The following ERP44 variants were observed in gnomAD, a reference collection of about 807,000 sequenced individuals.
The protein encoded by ERP44 is endoplasmic reticulum protein 44, also known as endoplasmic reticulum resident protein 44.
A neutral mutation model predicts 53.4 loss-of-function variants in ERP44; 25 were observed. That is an observed-to-expected ratio of 0.47 (90% CI 0.34 to 0.65). The LOEUF (loss-of-function observed/expected upper bound fraction) is 0.65. Among genes scored for constraint, ERP44 ranks in the 30% least tolerant of loss-of-function variants. ERP44 has a pLI of 0.01. For missense variants in ERP44, 338 were observed against 493.2 expected, an observed-to-expected ratio of 0.69 and a Z score of 2.98; for synonymous variants, 145 against 161.2, an observed-to-expected ratio of 0.90 and a Z score of 0.76.
intron 5 of ERP44, 41 bp from the exon 6 acceptor site, chr9:100,020,772 G>A: frequency 1.0e-6 from 1 of 997,666 alleles, no homozygotes; most frequent in South Asian, 1.3e-5. Flanking sequence ...AACATACATA[G>A]TTTTATAAAC....
At chr9:100,055,431 C>CGTGT (rs893609160) in intron 3 of ERP44, among the ~76,000 whole-genome samples, 2 of 152,172 alleles carry the variant, frequency 1.3e-5, no homozygotes, top group Non-Finnish European at 2.9e-5. Context: ...GGAGTGCAAC[C>CGTGT]GTGTGATCTC....
intron 4 of ERP44, among the ~76,000 whole-genome samples, chr9:100,044,675 G>T (rs955472136): frequency 2.3e-4 from 35 of 152,142 alleles, no homozygotes; most frequent in Non-Finnish European, 1.5e-5. Flanking sequence ...ACAATACTCT[G>T]TATACTGCAG....
At chr9:100,038,978 A>C (rs1462305066) in intron 4 of ERP44, among the ~76,000 whole-genome samples, 1 of 152,208 alleles carries the variant, frequency 6.6e-6, no homozygotes, top group Admixed American at 6.5e-5. Context: ...GCATATACAT[A>C]TGTAATGCAT....
At chr9:100,030,640 T>G (rs1043338658) in intron 4 of ERP44, among the ~76,000 whole-genome samples, 2 of 152,186 alleles carry the variant, frequency 1.3e-5, no homozygotes, top group African/African-American at 2.4e-5. Flanking sequence ...CTATTCTCTT[T>G]GGATTAATCT....
At chr9:99,993,335 C>G (rs1243015960) in intron 10 of ERP44, among the ~76,000 whole-genome samples, 1 of 152,124 alleles carries the variant, frequency 6.6e-6, no homozygotes, top group Non-Finnish European at 1.5e-5. Context: ...TGGAACAGAA[C>G]AGAGGCCTCA....
chr9:99,989,306 C>T lies in ERP44; in HGVS notation c.1017-4237G>A, dbSNP rs563051187. 7.2e-5 allele frequency among the ~76,000 whole-genome samples: 11 copies of T among 152,234 alleles called. No individual in the cohort carries two copies. In the East Asian group the frequency reaches 2.1e-3, roughly 29 times the overall value. On this transcript the variant is annotated intron_variant, in intron 10 of 11. Coordinates refer to ENST00000262455, the MANE Select transcript of ERP44 (RefSeq NM_015051.3). ...AGGAGCCGACTGACACCTCATACAG[C>T]TGGGTGCCCCTCTGAGACGAAGCTT... is the stretch of plus-strand genomic sequence containing the variant.
intron 4 of ERP44, among the ~76,000 whole-genome samples, chr9:100,039,386 C>A (rs1185670591): frequency 2.0e-5 from 3 of 152,018 alleles, no homozygotes; most frequent in South Asian, 2.1e-4. Context: ...CAAGAGAAAT[C>A]TTAGAAATTA....
chr9:99,999,132 T>A, intron 10 of ERP44: 1 of 591,078 alleles, frequency 1.7e-6, no homozygotes. Flanking sequence ...TGAGGCACAG[T>A]GTACCGCGCT....
At chr9:100,071,858 T>C (rs966986447) in intron 1 of ERP44, among the ~76,000 whole-genome samples, 6 of 152,158 alleles carry the variant, frequency 3.9e-5, no homozygotes, top group African/African-American at 1.4e-4. Flanking sequence ...GAGGTGGAAG[T>C]TGCTGTGAGC....
chr9:100,084,441 A>G (rs1039527235), intron 1 of ERP44, among the ~76,000 whole-genome samples: 2 of 152,194 alleles, frequency 1.3e-5, no homozygotes, highest in African/African-American at 4.8e-5. Context: ...ATGATTTCCA[A>G]CCAAACTTGT....
In ERP44 at chr9:99,982,559, AC is replaced by A; in HGVS notation, c.*52del. The A allele has an allele frequency of 1.3e-6, 1 of 793,822 alleles. No individual in the cohort carries two copies. Among genetic ancestry groups the A allele is most frequent in the Non-Finnish European group, 1.9e-6 (1 of 522,836 alleles). The allele number at this position is 793,822 out of a possible 1,614,324, so 49.2% of individuals were successfully genotyped here. ...ATGAAAATATAGGTTTACTATTTCCACCACGTAGGTTGATGCTGCTGTTGAA... is the reference window on the plus strand; with the variant it reads ...ATGAAAATATAGGTTTACTATTTCCACACGTAGGTTGATGCTGCTGTTGAA... On this transcript the variant is annotated 3_prime_UTR_variant, in exon 12 of 12. Coordinates refer to ENST00000262455, the MANE Select transcript of ERP44 (RefSeq NM_015051.3).
intron 10 of ERP44, chr9:99,998,540 C>T (rs1381397548): frequency 1.2e-5 from 9 of 722,230 alleles, no homozygotes; most frequent in Non-Finnish European, 1.8e-5. Context: ...CTAATCTTCA[C>T]GCCTTCTGGA....
At chr9:100,092,372 G>T (rs1287071761) in intron 1 of ERP44, among the ~76,000 whole-genome samples, 2 of 152,210 alleles carry the variant, frequency 1.3e-5, no homozygotes, top group East Asian at 3.8e-4. Context: ...ATCAGTAGGA[G>T]CTAAAGGAAT....
chr9:100,030,963 G>A (rs773069862), intron 4 of ERP44, among the ~76,000 whole-genome samples: 11 of 152,134 alleles, frequency 7.2e-5, no homozygotes, highest in Non-Finnish European at 1.5e-4. Context: ...AAGATGACAG[G>A]GCCCATCTGA....
intron 4 of ERP44, among the ~76,000 whole-genome samples, chr9:100,033,119 T>C (rs1825809951): frequency 6.6e-6 from 1 of 152,254 alleles, no homozygotes; most frequent in East Asian, 1.9e-4. Context: ...TGGAAACTAT[T>C]TGTAAGTATT....
intron 11 of ERP44, among the ~76,000 whole-genome samples, chr9:99,983,001 GT>G (rs1395005169): frequency 6.6e-6 from 1 of 152,150 alleles, no homozygotes; most frequent in East Asian, 1.9e-4. Flanking sequence ...TGACACCTGG[GT>G]GCTTTCCTAG....
chr9:100,052,354 G>A, intron 4 of ERP44, 63 bp downstream of exon 4: 5 of 694,422 alleles, frequency 7.2e-6, no homozygotes, highest in Middle Eastern at 5.2e-4. Context: ...AAGAAAAAAT[G>A]TGTATGTGTG....
At chr9:100,054,067 A>T (rs1826064886) in intron 3 of ERP44, among the ~76,000 whole-genome samples, 1 of 152,166 alleles carries the variant, frequency 6.6e-6, no homozygotes, top group African/African-American at 2.4e-5. Context: ...CCTAGAATAT[A>T]TCAAGGAGAC....
chr9:100,005,115 C>G (rs1398043022), intron 10 of ERP44, among the ~76,000 whole-genome samples: 1 of 152,196 alleles, frequency 6.6e-6, no homozygotes, highest in Non-Finnish European at 1.5e-5. Flanking sequence ...TCAGCATTCA[C>G]CTTTCCATTT....
Sources: allele counts gnomAD v4.1 joint callset (sites outside exome capture counted in the v4.1 genomes callset), GRCh38; gene constraint gnomAD v4.1.1; transcripts MANE v1.5; gene names NCBI Gene and HGNC (gene_info 2026-07-23, HGNC 2026-07-21).